Variants in CFAP91 observed in about 807,000 individuals in gnomAD.
CFAP91 encodes cilia- and flagella-associated protein 91.
In CFAP91, 85 loss-of-function variants were observed where a neutral mutation model predicts 95.9. The observed-to-expected ratio is 0.89, with a 90% CI of 0.74 to 1.06. The LOEUF is 1.06. Among genes scored for constraint, CFAP91 ranks in the 50% least tolerant of loss-of-function variants. The probability of loss-of-function intolerance (pLI) is 0.00; values close to 1 mark genes in which losing one functional copy is unlikely to be tolerated. For missense variants in CFAP91, 962 were observed against 943.4 expected (o/e 1.02, Z -0.26); for synonymous variants, 335 against 327.5 (o/e 1.02, Z -0.25).
At chr3:119,752,637 T>C (rs1175775817) in intron 17 of CFAP91, among the ~76,000 whole-genome samples, 1 of 152,198 alleles carries the variant, frequency 6.6e-6, no homozygotes. Context: ...GCAAATTTAA[T>C]AAGATTAATA....
chr3:119,731,299 T>C (rs2053891963), intron 8 of CFAP91, among the ~76,000 whole-genome samples: 1 of 152,206 alleles, frequency 6.6e-6, no homozygotes, highest in Non-Finnish European at 1.5e-5. Context: ...ATTCACAATA[T>C]AATCACATTT....
Position 119,703,102 on chromosome 3 carries a change from A to G in CFAP91, c.4A>G (p.Ser2Gly). The G allele has an allele frequency of 6.4e-7, 1 of 1,555,372 alleles. No individual in the cohort carries two copies. The highest frequency in any genetic ancestry group is 8.7e-7 in the Non-Finnish European group (1 of 1,149,296). Residue 2 changes from serine to glycine, a missense_variant, in exon 1 of 18, where the codon AGC (serine) becomes GGC (glycine). Physicochemically the swap from Ser to Gly is moderately conservative, Grantham distance 56 (BLOSUM62 0). Coordinates refer to ENST00000273390, the MANE Select transcript of CFAP91 (RefSeq NM_033364.4). M[S>G]HAVTIEEPQA... The stretch of plus-strand genomic sequence containing the variant: ...GCGGGAGGAAAGAGGCGGCACCATG[A>G]GCCACGCAGTAACCATCGAGGAGCC...
At chr3:119,737,817 A>G (rs1189765685) in intron 11 of CFAP91, among the ~76,000 whole-genome samples, 1 of 152,218 alleles carries the variant, frequency 6.6e-6, no homozygotes, top group Non-Finnish European at 1.5e-5. Context: ...ACATGGAGAG[A>G]TGGCTGATGA....
intron 17 of CFAP91, among the ~76,000 whole-genome samples, chr3:119,763,059 A>C (rs950572927): frequency 6.6e-6 from 1 of 152,088 alleles, no homozygotes; most frequent in Admixed American, 6.5e-5. Flanking sequence ...AATATGTACA[A>C]ACCATACATC....
chr3:119,754,437 A>G (rs1193382363), intron 17 of CFAP91, among the ~76,000 whole-genome samples: 1 of 152,242 alleles, frequency 6.6e-6, no homozygotes, highest in Non-Finnish European at 1.5e-5. Flanking sequence ...TTCTTAGCCT[A>G]TTTATATTGG....
chr3:119,716,936 G>A (rs77077391), intron 6 of CFAP91, among the ~76,000 whole-genome samples: 21,044 of 152,054 alleles, frequency 0.14, 1,689 homozygotes, highest in African/African-American at 0.22. Context: ...GGCCTAGATG[G>A]CAAATTAAAA....
In CFAP91 at chr3:119,737,414, C is replaced by T. The variant is rs199600362; in HGVS notation, c.1393C>T (p.Arg465Cys). ...NKVLEVKKPP[R>C]FLQRNPIPQP... is the part of the protein sequence containing the mutation. ...AGTTCTTGAAGTAAAGAAACCCCCT[C>T]GCTTCCTTCAAAGAAACCCAATACC... Residue 465 changes from arginine to cysteine, a missense_variant, in exon 11 of 18, where the codon CGC becomes TGC. Arg to Cys is a radical substitution (Grantham distance 180). Transcript: ENST00000273390. 61 of 1,611,734 alleles carry T rather than the reference C, an allele frequency of 3.8e-5. No homozygotes were observed. The highest frequency in any genetic ancestry group is 3.1e-4 in the East Asian group (14 of 44,708).
At chr3:119,760,961 A>G (rs1479202545) in intron 17 of CFAP91, among the ~76,000 whole-genome samples, 3 of 151,552 alleles carry the variant, frequency 2.0e-5, no homozygotes, top group Non-Finnish European at 3.0e-5. Context: ...TTACACCTCA[A>G]AGAACTAAAA....
intron 8 of CFAP91, among the ~76,000 whole-genome samples, chr3:119,731,781 T>A (rs1577221818): frequency 6.6e-6 from 1 of 152,250 alleles, no homozygotes; most frequent in African/African-American, 2.4e-5. Flanking sequence ...TAGATGAGTA[T>A]ACTCCTGATG....
chr3:119,762,737 T>C (rs770230216), intron 17 of CFAP91, among the ~76,000 whole-genome samples: 1 of 152,088 alleles, frequency 6.6e-6, no homozygotes, highest in African/African-American at 2.4e-5. Flanking sequence ...GTCTTTTCAA[T>C]AAATGATGCT....
rs553726267 is a variant in CFAP91 at position 119,714,407 on chromosome 3, C to T, written c.501-1155C>T. Among the ~76,000 whole-genome samples the T allele has an allele frequency of 7.3e-5, 11 of 151,138 alleles. No homozygotes were observed. In the East Asian group the frequency reaches 1.7e-3, roughly 24 times the overall value. On this transcript the variant is annotated intron_variant, in intron 5 of 17. Transcript: ENST00000273390. ...AAAAGAAAGAAACGCTGGAGCAAAG[C>T]GTATTTTAACTTGTCAATTTGGTGT...
chr3:119,747,061 G>C, intron 14 of CFAP91, 54 bp from the exon 15 acceptor site: 4 of 1,358,034 alleles, frequency 2.9e-6, no homozygotes, highest in Non-Finnish European at 3.9e-6. Flanking sequence ...TATTTTTCTT[G>C]TGTTGTTTAC....
intron 6 of CFAP91, among the ~76,000 whole-genome samples, chr3:119,720,155 G>T (rs1559751943): frequency 6.6e-6 from 1 of 151,676 alleles, no homozygotes. Context: ...TTGGGAGGCT[G>T]AGGCAGGTGG....
intron 17 of CFAP91, among the ~76,000 whole-genome samples, chr3:119,756,546 AT>A (rs1430284971): frequency 6.6e-6 from 1 of 152,220 alleles, no homozygotes; most frequent in Non-Finnish European, 1.5e-5. Flanking sequence ...GCATAAAAAA[AT>A]TATAAGAAAC....
chr3:119,708,766 A>G (rs2053421426), intron 4 of CFAP91, 92 bp downstream of exon 4: 1 of 755,208 alleles, frequency 1.3e-6, no homozygotes, highest in Non-Finnish European at 2.2e-6. Context: ...TTCAGTGCAT[A>G]CAACGTGCCA....
chr3:119,760,036 A>C (rs2054507532), intron 17 of CFAP91, among the ~76,000 whole-genome samples: 1 of 151,924 alleles, frequency 6.6e-6, no homozygotes, highest in African/African-American at 2.4e-5. Flanking sequence ...ATCAATAATT[A>C]CCTTGAATGT....
At chr3:119,732,619 A>T in intron 9 of CFAP91, 143 bp downstream of exon 9, 1 of 612,254 alleles carries the variant, frequency 1.6e-6, no homozygotes, top group Non-Finnish European at 2.8e-6. Context: ...ACCAATAAAA[A>T]CTACTAAGAC....
At chr3:119,752,132 G>A (rs759433229) in intron 17 of CFAP91, among the ~76,000 whole-genome samples, 18 of 152,174 alleles carry the variant, frequency 1.2e-4, no homozygotes, top group Non-Finnish European at 1.9e-4. Context: ...CAACCCTTTT[G>A]TGGTAGAGGC....
intron 6 of CFAP91, among the ~76,000 whole-genome samples, chr3:119,717,222 T>C (rs1442091248): frequency 1.3e-5 from 2 of 152,058 alleles, no homozygotes; most frequent in African/African-American, 4.8e-5. Context: ...CAATAAAGAT[T>C]ATAGACAGAG....
Sources: gnomAD v4.1 joint callset for allele counts (sites outside exome capture counted in the v4.1 genomes callset) on GRCh38, gnomAD v4.1.1 for gene constraint, MANE v1.5 for transcripts, NCBI Gene and HGNC (gene_info 2026-07-23, HGNC 2026-07-21) for gene names.